The following NME7 variants were observed in gnomAD, a reference collection of about 807,000 sequenced individuals.
NME7 encodes the protein nucleoside diphosphate kinase 7.
NME7 carries 41 observed loss-of-function variants against 49.1 expected under a neutral mutation model. That is an observed-to-expected ratio of 0.83 (90% confidence interval 0.65 to 1.08). The LOEUF (loss-of-function observed/expected upper bound fraction) is 1.08, where lower values mean the gene tolerates loss of function less well. NME7 is among the 50% of genes least tolerant of loss of function. NME7 has a pLI of 0.00. For synonymous variants in NME7, 139 were observed against 150.6 expected (o/e 0.92, Z 0.56); for missense variants, 423 against 463.4 (o/e 0.91, Z 0.80).
At chr1:169,150,685 G>T (rs1037000813) in intron 11 of NME7, among the ~76,000 whole-genome samples, 1 of 150,410 alleles carries the variant, frequency 6.6e-6, no homozygotes, top group African/African-American at 2.4e-5. Context: ...GCTACAAAAG[G>T]GAATCATCCA....
chr1:169,353,305 T>C (rs553232340), intron 1 of NME7, among the ~76,000 whole-genome samples: 2 of 152,182 alleles, frequency 1.3e-5, no homozygotes, highest in African/African-American at 4.8e-5. Flanking sequence ...AGACAGCCTC[T>C]TCAATAAATG....
chr1:169,347,440 TAACA>T (rs201811561), intron 1 of NME7, among the ~76,000 whole-genome samples: 2,048 of 152,200 alleles, frequency 0.013, 37 homozygotes, highest in African/African-American at 0.046. Flanking sequence ...TTGGCAAGTT[TAACA>T]AACAAAGCCA....
At position 169,367,688 on chromosome 1, in the gene NME7, TG is replaced by T. The variant is rs748272513; in HGVS notation, c.3+19del. 1.2e-6 allele frequency: 2 copies of T among 1,614,206 alleles called. No homozygotes were observed. Among genetic ancestry groups the T allele is most frequent in the South Asian group, 2.2e-5 (2 of 91,086 alleles). On this transcript the variant is annotated intron_variant, in intron 1 of 11. Transcript: ENST00000367811. ...AAGTAGGACCCCAGAGCCGTTCTTC[TG>T]GCATCCCCTGGCACTCACCATTGTC... is the stretch of plus-strand genomic sequence containing the variant.
Position 169,324,477 on chromosome 1 carries a change from G to A in NME7, c.27C>T (p.Phe9=), listed in dbSNP as rs1651979333. Residue 9 remains phenylalanine, a synonymous_variant, in exon 2 of 12, where the codon TTC becomes TTT. Transcript: ENST00000367811. ...CATTTGGATCATACCACTCTGCAAT[G>A]AAAACGAATCTTTCACTATGATTCT... The part of the protein sequence containing the change: MNHSERFV[F]IAEWYDPNAS... 1 of 1,610,758 alleles carries A rather than the reference G, an allele frequency of 6.2e-7. No individual in the cohort carries two copies. The highest frequency in any genetic ancestry group is 1.3e-5 in the African/African-American group (1 of 74,836).
chr1:169,270,501 T>C (rs986553078), intron 7 of NME7, among the ~76,000 whole-genome samples: 2 of 134,338 alleles, frequency 1.5e-5, no homozygotes, highest in African/African-American at 5.0e-5. Flanking sequence ...TAACAATGAC[T>C]ACATTTTTCT....
At chr1:169,344,839 G>C (rs2101967897) in intron 1 of NME7, among the ~76,000 whole-genome samples, 1 of 152,198 alleles carries the variant, frequency 6.6e-6, no homozygotes, top group Admixed American at 6.5e-5. Flanking sequence ...ATCTGGCTTG[G>C]TATAGGACAA....
At chr1:169,236,612 T>G (rs1383620391) in intron 8 of NME7, among the ~76,000 whole-genome samples, 4 of 152,140 alleles carry the variant, frequency 2.6e-5, no homozygotes, top group African/African-American at 9.6e-5. Flanking sequence ...GCTAATACTT[T>G]TAGAAAGTTT....
intron 7 of NME7, chr1:169,287,078 T>A: frequency 2.2e-6 from 1 of 463,942 alleles, no homozygotes; most frequent in African/African-American, 2.0e-5. Context: ...AGCCTGAGCA[T>A]GATCAGCAAC....
chr1:169,196,686 G>C (rs1330866179), intron 10 of NME7, among the ~76,000 whole-genome samples: 1 of 152,184 alleles, frequency 6.6e-6, no homozygotes, highest in African/African-American at 2.4e-5. Flanking sequence ...AAAAGTATGT[G>C]ATGTGCACTA....
At chr1:169,344,520 C>T (rs752795917) in intron 1 of NME7, among the ~76,000 whole-genome samples, 35 of 152,320 alleles carry the variant, frequency 2.3e-4, no homozygotes, top group South Asian at 1.9e-3. Flanking sequence ...GCAGCTTTTT[C>T]ATGAATCCCC....
intron 10 of NME7, among the ~76,000 whole-genome samples, chr1:169,208,148 A>T (rs549229621): frequency 6.6e-6 from 1 of 152,176 alleles, no homozygotes; most frequent in Admixed American, 6.6e-5. Flanking sequence ...TCTCAATCTT[A>T]TTTGATCGTA....
intron 1 of NME7, among the ~76,000 whole-genome samples, chr1:169,340,262 C>A (rs1204060302): frequency 1.3e-5 from 2 of 152,128 alleles, no homozygotes; most frequent in African/African-American, 4.8e-5. Flanking sequence ...CTCACGAGAT[C>A]TGATGGTTTT....
At chr1:169,326,303 C>T (rs1010921027) in intron 1 of NME7, among the ~76,000 whole-genome samples, 5 of 152,096 alleles carry the variant, frequency 3.3e-5, no homozygotes, top group Non-Finnish European at 5.9e-5. Context: ...CTGGCTATGA[C>T]AAAGTAGCTC....
intron 10 of NME7, among the ~76,000 whole-genome samples, chr1:169,223,705 G>T (rs1661212469): frequency 6.6e-6 from 1 of 151,914 alleles, no homozygotes; most frequent in African/African-American, 2.4e-5. Context: ...GTGAAGAATG[G>T]TATTTAGAAG....
chr1:169,166,843 G>A (rs1259115501), intron 11 of NME7, among the ~76,000 whole-genome samples: 1 of 152,124 alleles, frequency 6.6e-6, no homozygotes, highest in Non-Finnish European at 1.5e-5. Flanking sequence ...ATGGTGGCAT[G>A]CACCTGTAAT....
At chr1:169,174,932 T>G (rs1389780365) in intron 10 of NME7, among the ~76,000 whole-genome samples, 1 of 152,192 alleles carries the variant, frequency 6.6e-6, no homozygotes, top group African/African-American at 2.4e-5. Flanking sequence ...TTTATAAAAA[T>G]ATTTTTATTT....
chr1:169,295,392 G>A (rs1272212648), intron 6 of NME7, among the ~76,000 whole-genome samples: 1 of 152,108 alleles, frequency 6.6e-6, no homozygotes, highest in Non-Finnish European at 1.5e-5. Context: ...AAATAGGCAG[G>A]AAATATCAGT....
intron 3 of NME7, among the ~76,000 whole-genome samples, chr1:169,321,469 A>G (rs987224724): frequency 6.6e-6 from 1 of 152,240 alleles, no homozygotes; most frequent in Non-Finnish European, 1.5e-5. Flanking sequence ...AATGCTACAC[A>G]TATTTATGAG....
intron 10 of NME7, among the ~76,000 whole-genome samples, chr1:169,216,557 C>T (rs1660978851): frequency 6.6e-6 from 1 of 152,152 alleles, no homozygotes; most frequent in African/African-American, 2.4e-5. Context: ...ACGTGTTTCC[C>T]TTAGTTCTGT....
Sources: allele counts gnomAD v4.1 joint callset (sites outside exome capture counted in the v4.1 genomes callset), GRCh38; gene constraint gnomAD v4.1.1; transcripts MANE v1.5; gene names NCBI Gene and HGNC (gene_info 2026-07-23, HGNC 2026-07-21).